The following FRMD3 variants were observed in gnomAD, a reference collection of about 807,000 sequenced individuals.
FRMD3 encodes FERM domain-containing protein 3.
FRMD3 carries 33 observed loss-of-function variants against 70.2 expected under a neutral mutation model. The ratio of observed to expected loss-of-function variants is 0.47; its 90% CI spans 0.36 to 0.63. FRMD3 has a LOEUF of 0.63. Among genes scored for constraint, FRMD3 ranks in the 20% least tolerant of loss-of-function variants. The pLI is 0.00. For synonymous variants in FRMD3, 279 were observed against 255.9 expected, an observed-to-expected ratio of 1.09 and a Z score of -0.86; for missense variants, 632 against 711.4, an observed-to-expected ratio of 0.89 and a Z score of 1.27.
intron 1 of FRMD3, among the ~76,000 whole-genome samples, chr9:83,514,131 AAGGGGGCTGAAGCC>A (rs1269080472): frequency 1.3e-5 from 2 of 152,138 alleles, no homozygotes; most frequent in East Asian, 3.9e-4. Context: ...CTCCCCTGGA[AAGGGGGCTGAAGCC>A]AGGGAGCCAA....
intron 1 of FRMD3, among the ~76,000 whole-genome samples, chr9:83,403,626 A>T (rs770158062): frequency 6.6e-6 from 1 of 152,198 alleles, no homozygotes; most frequent in Non-Finnish European, 1.5e-5. Context: ...GCCACACCAC[A>T]GGAAATTACA....
chr9:83,562,807 G>T, the FRMD3 span, among the ~76,000 whole-genome samples: 17 of 152,124 alleles, frequency 1.1e-4, no homozygotes, highest in African/African-American at 3.9e-4. Context: ...AAACTTAAAA[G>T]TCAAAGGCTT....
At chr9:83,575,598 G>A in the FRMD3 span, among the ~76,000 whole-genome samples, 7 of 152,022 alleles carry the variant, frequency 4.6e-5, no homozygotes, top group Admixed American at 1.3e-4. Context: ...TATTAAGAGG[G>A]GATATACTTG....
intron 8 of FRMD3, 47 bp from the exon 9 acceptor site, chr9:83,310,595 A>G: frequency 1.4e-6 from 2 of 1,459,834 alleles, no homozygotes. Context: ...GTGGCAGCTA[A>G]CCAAGGTACC....
intron 1 of FRMD3, among the ~76,000 whole-genome samples, chr9:83,444,270 C>G (rs1210432053): frequency 7.2e-5 from 11 of 152,314 alleles, no homozygotes; most frequent in Non-Finnish European, 8.8e-5. Context: ...TCCTCCTGAC[C>G]AGCCAATGAC....
At chr9:83,278,732 C>T (rs925832575) in intron 13 of FRMD3, among the ~76,000 whole-genome samples, 3 of 152,092 alleles carry the variant, frequency 2.0e-5, no homozygotes, top group South Asian at 2.1e-4. Context: ...GTCAGAAGCC[C>T]GGTCTAGCCC....
At chr9:83,381,438 C>T (rs932597171) in intron 2 of FRMD3, among the ~76,000 whole-genome samples, 4 of 152,036 alleles carry the variant, frequency 2.6e-5, no homozygotes, top group South Asian at 2.1e-4. Flanking sequence ...CGCCTGTATT[C>T]CCAGCTACTC....
At position 83,490,784 on chromosome 9, in the gene FRMD3, TCTCTCTCTCTCTCTCA is replaced by T. The variant is rs1332529171; in HGVS notation, c.147+47285_147+47300del. 1.7e-3 allele frequency among the ~76,000 whole-genome samples: 213 copies of T among 128,688 alleles called. 3 individuals carry two copies. The highest frequency in any genetic ancestry group is 6.8e-3 in the African/African-American group (206 of 30,516). The allele number at this position is 128,688 out of a possible 152,430, so 84.4% of individuals were successfully genotyped here. On this transcript the variant is annotated intron_variant, in intron 1 of 13. Coordinates refer to ENST00000304195, the MANE Select transcript of FRMD3 (RefSeq NM_174938.6). ...TCTCTTCTCTCTCTCTCTCTCTCTCTCTCTCTCTCTCTCTCACACACACACACACACACACACACAC... is the reference window on the plus strand; with the variant it reads ...TCTCTTCTCTCTCTCTCTCTCTCTCTCACACACACACACACACACACACAC...
At chr9:83,452,483 T>C (rs201366776) in intron 1 of FRMD3, among the ~76,000 whole-genome samples, 1 of 135,564 alleles carries the variant, frequency 7.4e-6, no homozygotes, top group Admixed American at 7.7e-5. Flanking sequence ...GTTTTTTTTG[T>C]TGTTGTTGTT....
chr9:83,390,165 T>C (rs1397702549), intron 1 of FRMD3, among the ~76,000 whole-genome samples: 1 of 152,182 alleles, frequency 6.6e-6, no homozygotes, highest in Admixed American at 6.5e-5. Context: ...TCATTTTATA[T>C]CGGAGGAAAC....
In FRMD3 at chr9:83,414,394, TA is replaced by T. The variant is rs767548204; in HGVS notation, c.148-24687del. Among the ~76,000 whole-genome samples the T allele has an allele frequency of 3.9e-5, 6 of 152,248 alleles. No individual in the cohort carries two copies. The East Asian group carries it at 1.2e-3, about 29-fold the overall frequency. ...AAAACAATTAAACTGGAAGAAAATA[TA>T]AGAGTACATCATCATGAGTTTGGAG... On this transcript the variant is annotated intron_variant, in intron 1 of 13. Transcript: ENST00000304195.
intron 1 of FRMD3, among the ~76,000 whole-genome samples, chr9:83,470,570 C>G (rs932656411): frequency 6.6e-6 from 1 of 152,176 alleles, no homozygotes; most frequent in Non-Finnish European, 1.5e-5. Flanking sequence ...AATTGTCAGC[C>G]TCAAAAATCC....
intron 1 of FRMD3, among the ~76,000 whole-genome samples, chr9:83,479,684 GAAAGAAAGAAAGAAAGAA>G (rs1828501317): frequency 1.5e-5 from 1 of 65,064 alleles, no homozygotes; most frequent in African/African-American, 9.4e-5. Flanking sequence ...AAGAAAGAAA[GAAAGAAAGAAAGAAAGAA>G]AGAAAGAAAG....
rs564836258 is a variant in FRMD3 at position 83,315,985 on chromosome 9, T to A, written c.597-2238A>T. 1.1e-3 allele frequency among the ~76,000 whole-genome samples: 161 copies of A among 152,252 alleles called. 1 individual carries two copies. Among genetic ancestry groups the A allele is most frequent in the Admixed American group, 3.3e-3 (51 of 15,292 alleles). On this transcript the variant is annotated intron_variant, in intron 6 of 13. Coordinates refer to ENST00000304195, the MANE Select transcript of FRMD3 (RefSeq NM_174938.6). Reference sequence around the variant, plus strand: ...ACCACTGCTATTCTAAGTCTGTGTCTGGCCTGGATCCCTTCTGTTTCCTAT... The same window carrying A: ...ACCACTGCTATTCTAAGTCTGTGTCAGGCCTGGATCCCTTCTGTTTCCTAT...
At chr9:83,533,957 A>C (rs531455077) in intron 1 of FRMD3, among the ~76,000 whole-genome samples, 3 of 152,244 alleles carry the variant, frequency 2.0e-5, no homozygotes, top group African/African-American at 7.2e-5. Flanking sequence ...TGGCAAGTTC[A>C]TTAGCAAGGG....
chr9:83,381,799 A>G (rs1482185464), intron 2 of FRMD3, among the ~76,000 whole-genome samples: 1 of 152,142 alleles, frequency 6.6e-6, no homozygotes, highest in Non-Finnish European at 1.5e-5. Flanking sequence ...TATTTTTTGT[A>G]AAGGACCAGA....
chr9:83,409,802 C>T (rs1194602392), intron 1 of FRMD3, among the ~76,000 whole-genome samples: 1 of 152,228 alleles, frequency 6.6e-6, no homozygotes, highest in Non-Finnish European at 1.5e-5. Flanking sequence ...CTCTTTAAAG[C>T]TTCTGCTCTT....
rs1564115591 is a variant in FRMD3 at position 83,522,566 on chromosome 9, A to AAT, written c.147+15518_147+15519insAT. ...CACAAATTTTATATATATATATATA[A>AAT]TTTTTTTTTTTTTTTGAGATGGAGT... On this transcript the variant is annotated intron_variant, in intron 1 of 13. Coordinates refer to ENST00000304195, the MANE Select transcript of FRMD3 (RefSeq NM_174938.6). 1.3e-3 allele frequency among the ~76,000 whole-genome samples: 179 copies of AAT among 138,846 alleles called. No individual in the cohort carries two copies. The South Asian group carries it at 0.019, about 14-fold the overall frequency. The allele number at this position is 138,846 out of a possible 152,430, so 91.1% of individuals were successfully genotyped here.
chr9:83,260,039 G>A (rs1055715896), intron 13 of FRMD3, among the ~76,000 whole-genome samples: 9 of 152,224 alleles, frequency 5.9e-5, no homozygotes, highest in African/African-American at 2.2e-4. Context: ...TGCCACTTCA[G>A]TTCTATAGTC....
Sources: gnomAD v4.1 joint callset for allele counts (sites outside exome capture counted in the v4.1 genomes callset) on GRCh38, gnomAD v4.1.1 for gene constraint, MANE v1.5 for transcripts, NCBI Gene and HGNC (gene_info 2026-07-23, HGNC 2026-07-21) for gene names.